ZNF704: variants seen among roughly 807,000 people sequenced by gnomAD.
The protein encoded by ZNF704 is glucocorticoid induced gene 1.
In ZNF704, 10 loss-of-function variants were observed where a neutral mutation model predicts 44.7. The ratio of observed to expected loss-of-function variants is 0.22; its 90% CI spans 0.14 to 0.38. The LOEUF is 0.38. Among genes scored for constraint, ZNF704 ranks in the 10% least tolerant of loss-of-function variants. The probability of loss-of-function intolerance (pLI) is 1.00; values close to 1 mark genes in which losing one functional copy is unlikely to be tolerated. For missense variants in ZNF704, 390 were observed against 545.5 expected (o/e 0.71, Z 2.84); for synonymous variants, 211 against 207.6 (o/e 1.02, Z -0.14).
chr8:80,843,952 T>C (rs1239983031), intron 1 of ZNF704, among the ~76,000 whole-genome samples: 1 of 139,770 alleles, frequency 7.2e-6, no homozygotes, highest in Non-Finnish European at 1.6e-5. Context: ...TGTATGTATA[T>C]ATATGTGTAT....
intron 5 of ZNF704, among the ~76,000 whole-genome samples, chr8:80,667,170 C>A (rs1257967183): frequency 2.0e-5 from 3 of 152,022 alleles, no homozygotes; most frequent in African/African-American, 7.2e-5. Context: ...GGCTGGAGCT[C>A]GGGACCCCAG....
Position 80,635,915 on chromosome 8 carries a change from C to T in ZNF704, c.*5451G>A, listed in dbSNP as rs1486383782. On this transcript the variant is annotated 3_prime_UTR_variant, in exon 9 of 9. Transcript: ENST00000327835. ...AACATTTGCTTAAAAGAGACATAGC[C>T]CTTTGTTTGGTGAGCAAGAATTACT... The T allele has an allele frequency of 1.3e-5, 2 of 152,078 alleles. No homozygotes were observed. Among genetic ancestry groups the T allele is most frequent in the East Asian group, 3.8e-4 (2 of 5,196 alleles). 9.4% of individuals were successfully genotyped at this position (152,078 alleles called of 1,614,324 possible). A position where few individuals can be genotyped will look rare whatever the true frequency, so the allele number is the denominator to read the frequency against.
At chr8:80,774,101 G>C (rs1371246016) in intron 2 of ZNF704, among the ~76,000 whole-genome samples, 4 of 150,968 alleles carry the variant, frequency 2.6e-5, no homozygotes, top group Non-Finnish European at 5.9e-5. Flanking sequence ...CGACTGCCAA[G>C]CTGGAGTGCC....
At chr8:80,815,830 G>A (rs1328993798) in intron 2 of ZNF704, among the ~76,000 whole-genome samples, 1 of 152,200 alleles carries the variant, frequency 6.6e-6, no homozygotes. Flanking sequence ...TTGCTTCTGT[G>A]TCTGGAGAAC....
At chr8:80,805,003 T>C (rs1356675479) in intron 2 of ZNF704, among the ~76,000 whole-genome samples, 1 of 152,212 alleles carries the variant, frequency 6.6e-6, no homozygotes, top group Non-Finnish European at 1.5e-5. Flanking sequence ...TGGTAGTGAC[T>C]ACTAGGGTTT....
intron 6 of ZNF704, 51 bp from the exon 7 acceptor site, chr8:80,659,740 G>T: frequency 6.5e-7 from 1 of 1,541,786 alleles, no homozygotes; most frequent in Non-Finnish European, 9.0e-7. Context: ...TTTTCCTTCG[G>T]AGCTTTAAGC....
At position 80,850,323 on chromosome 8, in the gene ZNF704, CTTCTT is replaced by C. The variant is rs771224116; in HGVS notation, c.-22+24243_-22+24247del. ...GACTATCATAATCTTTCTGCAGCTT[CTTCTT>C]TTCTTATATGAACTCCATTTTAAAA... On this transcript the variant is annotated intron_variant, in intron 1 of 8. Coordinates refer to ENST00000327835, the MANE Select transcript of ZNF704 (RefSeq NM_001033723.3). Among the ~76,000 whole-genome samples the C allele has an allele frequency of 5.8e-4, 88 of 152,160 alleles. 1 individual carries two copies. The highest frequency in any genetic ancestry group is 1.2e-3 in the Non-Finnish European group (79 of 67,996).
At chr8:80,813,600 G>A (rs150876915) in intron 2 of ZNF704, among the ~76,000 whole-genome samples, 3,205 of 152,212 alleles carry the variant, frequency 0.021, 52 homozygotes, top group Non-Finnish European at 0.034. Flanking sequence ...TTGAGAGGCC[G>A]GGCGCGGTGG....
intron 2 of ZNF704, among the ~76,000 whole-genome samples, chr8:80,781,452 T>A (rs1422410397): frequency 1.3e-5 from 2 of 152,244 alleles, no homozygotes; most frequent in African/African-American, 2.4e-5. Context: ...TTTCACGTCA[T>A]GAAATATTAT....
intron 2 of ZNF704, among the ~76,000 whole-genome samples, chr8:80,730,538 T>TAAAAAAAAAAA (rs148942015): frequency 1.6e-5 from 1 of 63,960 alleles, no homozygotes; most frequent in Non-Finnish European, 3.0e-5. Context: ...GACTACATCT[T>TAAAAAAAAAAA]AAAAAAAAAA....
chr8:80,657,774 T>C (rs1818039584), intron 7 of ZNF704, among the ~76,000 whole-genome samples: 2 of 152,052 alleles, frequency 1.3e-5, no homozygotes, highest in Non-Finnish European at 2.9e-5. Context: ...ATATATCATA[T>C]ATACGGAATG....
At chr8:80,834,756 T>C (rs1386367106) in intron 1 of ZNF704, among the ~76,000 whole-genome samples, 1 of 152,202 alleles carries the variant, frequency 6.6e-6, no homozygotes, top group Non-Finnish European at 1.5e-5. Flanking sequence ...ACTGTTGAAC[T>C]CCCACTCATG....
At chr8:80,760,439 C>T (rs986452860) in intron 2 of ZNF704, among the ~76,000 whole-genome samples, 8 of 152,034 alleles carry the variant, frequency 5.3e-5, no homozygotes, top group South Asian at 4.2e-4. Flanking sequence ...GGGTGGATCA[C>T]GAGGTCAAGA....
chr8:80,831,045 C>T lies in ZNF704; in HGVS notation c.-21-9430G>A, dbSNP rs957290674. Among the ~76,000 whole-genome samples, 4 of 152,018 alleles carry T rather than the reference C, an allele frequency of 2.6e-5. No homozygotes were observed. The East Asian group carries it at 5.8e-4, about 22-fold the overall frequency. ...CTGGGAATACAAGCGTGAGCCACTG[C>T]ACCCGGCCTAGAGGGTGTATTTCTA... On this transcript the variant is annotated intron_variant, in intron 1 of 8. Transcript: ENST00000327835.
intron 2 of ZNF704, among the ~76,000 whole-genome samples, chr8:80,818,004 A>G (rs907087688): frequency 1.3e-5 from 2 of 152,216 alleles, no homozygotes; most frequent in Non-Finnish European, 2.9e-5. Flanking sequence ...GGTACTCAAG[A>G]AAAACCTGTT....
intron 2 of ZNF704, among the ~76,000 whole-genome samples, chr8:80,733,207 C>A (rs538625586): frequency 1.2e-4 from 18 of 152,174 alleles, no homozygotes; most frequent in African/African-American, 4.3e-4. Context: ...TTTTTAATCT[C>A]ATAGAACATA....
At chr8:80,789,103 T>C (rs2129739071) in intron 2 of ZNF704, among the ~76,000 whole-genome samples, 1 of 152,294 alleles carries the variant, frequency 6.6e-6, no homozygotes, top group Non-Finnish European at 1.5e-5. Flanking sequence ...CAATGATCAA[T>C]GCTAAAACCA....
At chr8:80,732,109 T>C (rs1221161871) in intron 2 of ZNF704, among the ~76,000 whole-genome samples, 1 of 152,212 alleles carries the variant, frequency 6.6e-6, no homozygotes, top group Non-Finnish European at 1.5e-5. Context: ...CTTGAGATTT[T>C]TCATTGGTTT....
At chr8:80,873,993 C>T (rs927375417) in intron 1 of ZNF704, among the ~76,000 whole-genome samples, 6 of 146,568 alleles carry the variant, frequency 4.1e-5, no homozygotes, top group East Asian at 2.0e-4. Flanking sequence ...AGCGCGGCGC[C>T]CCCCCGGCGG....
Sources: allele counts gnomAD v4.1 joint callset (sites outside exome capture counted in the v4.1 genomes callset), GRCh38; gene constraint gnomAD v4.1.1; transcripts MANE v1.5; gene names NCBI Gene and HGNC (gene_info 2026-07-23, HGNC 2026-07-21).